RABGAP1L: variants seen among roughly 807,000 people sequenced by gnomAD.
RABGAP1L encodes the protein rab GTPase-activating protein 1-like.
Under a neutral mutation model 137.7 loss-of-function variants are expected in RABGAP1L, and 63 were observed. The observed-to-expected ratio is 0.46, with a 90% CI of 0.37 to 0.56. The LOEUF (loss-of-function observed/expected upper bound fraction) is 0.56, where lower values mean the gene tolerates loss of function less well. Ranked by LOEUF, RABGAP1L falls within the 20% of genes least tolerant of loss-of-function variation. The pLI, the probability that RABGAP1L is intolerant of heterozygous loss-of-function variation, is 0.00. For missense variants in RABGAP1L, 1,095 were observed against 1,244.0 expected (o/e 0.88, Z 1.80); for synonymous variants, 431 against 433.7 (o/e 0.99, Z 0.08).
chr1:174,774,172 A>C (rs1038994553), intron 18 of RABGAP1L, among the ~76,000 whole-genome samples: 9 of 152,192 alleles, frequency 5.9e-5, no homozygotes, highest in Non-Finnish European at 1.2e-4. Context: ...AATAACTAAA[A>C]CGCCCATAGC....
At chr1:174,460,509 A>G in intron 13 of RABGAP1L, among the ~76,000 whole-genome samples, 1 of 152,192 alleles carries the variant, frequency 6.6e-6, no homozygotes, top group East Asian at 1.9e-4. Context: ...CATATTGTTT[A>G]TGAACATTTT....
chr1:174,312,223 G>C lies in RABGAP1L; in HGVS notation c.1465+7096G>C, dbSNP rs527391939. Among the ~76,000 whole-genome samples, 32 of 152,206 alleles carry C rather than the reference G, an allele frequency of 2.1e-4. No individual in the cohort carries two copies. The South Asian group carries it at 5.4e-3, about 26-fold the overall frequency. ...TACATTTCCACCAACAGTGTACAAGGGTTCTTTTATCTCTACATCACTAGC... is the reference window on the plus strand; with the variant it reads ...TACATTTCCACCAACAGTGTACAAGCGTTCTTTTATCTCTACATCACTAGC... On this transcript the variant is annotated intron_variant, in intron 11 of 25. Transcript: ENST00000681986.
intron 12 of RABGAP1L, among the ~76,000 whole-genome samples, chr1:174,384,040 A>G (rs1053311463): frequency 4.6e-5 from 7 of 152,236 alleles, no homozygotes; most frequent in East Asian, 1.9e-4. Flanking sequence ...ATGTCCGTCA[A>G]AAGTAAATGG....
chr1:174,320,238 A>T (rs1415993876), intron 11 of RABGAP1L, among the ~76,000 whole-genome samples: 1 of 152,170 alleles, frequency 6.6e-6, no homozygotes, highest in Admixed American at 6.5e-5. Context: ...TGCCCTTTAT[A>T]ACTCATCGTT....
chr1:174,958,092 A>C, intron 20 of RABGAP1L: 3 of 1,516,728 alleles, frequency 2.0e-6, no homozygotes, highest in Non-Finnish European at 2.6e-6. Flanking sequence ...AGACTGACAC[A>C]AGGATGTTTC....
intron 19 of RABGAP1L, among the ~76,000 whole-genome samples, chr1:174,926,943 C>T (rs969975685): frequency 6.6e-6 from 1 of 151,930 alleles, no homozygotes; most frequent in African/African-American, 2.4e-5. Context: ...CGTGGTGGCA[C>T]ACACCTGTAA....
At chr1:174,727,510 A>G (rs898437553) in intron 17 of RABGAP1L, among the ~76,000 whole-genome samples, 1 of 152,208 alleles carries the variant, frequency 6.6e-6, no homozygotes, top group Admixed American at 6.5e-5. Context: ...AAAACAACAA[A>G]CAGAAAAACA....
At chr1:174,919,910 GT>G (rs1254343329) in intron 19 of RABGAP1L, among the ~76,000 whole-genome samples, 3 of 152,144 alleles carry the variant, frequency 2.0e-5, no homozygotes, top group African/African-American at 7.2e-5. Context: ...TAAGTATTAG[GT>G]AAGTAGAGTT....
chr1:174,368,833 T>A (rs78735014), intron 11 of RABGAP1L, among the ~76,000 whole-genome samples: 11,125 of 152,256 alleles, frequency 0.073, 609 homozygotes, highest in East Asian at 0.32. Context: ...TAGGAATTCC[T>A]TTCCCTACAA....
intron 13 of RABGAP1L, among the ~76,000 whole-genome samples, chr1:174,578,685 T>G (rs1029325658): frequency 2.0e-5 from 3 of 152,186 alleles, no homozygotes; most frequent in Non-Finnish European, 4.4e-5. Context: ...CTAGAAAAGA[T>G]AGTTTATGTA....
At chr1:174,882,830 C>CT (rs201814726) in intron 19 of RABGAP1L, among the ~76,000 whole-genome samples, 137 of 146,246 alleles carry the variant, frequency 9.4e-4, no homozygotes, top group East Asian at 4.0e-3. Flanking sequence ...AACATAAGAG[C>CT]TTTTTTTTTT....
At chr1:174,446,910 AT>A (rs1164427891) in intron 13 of RABGAP1L, among the ~76,000 whole-genome samples, 4 of 152,170 alleles carry the variant, frequency 2.6e-5, no homozygotes, top group Non-Finnish European at 5.9e-5. Context: ...GTAATAAATA[AT>A]GGCAGCATTT....
At position 174,678,819 on chromosome 1, in the gene RABGAP1L, C is replaced by T. The variant is rs141267725; in HGVS notation, c.1825-4703C>T. 2.5e-4 allele frequency among the ~76,000 whole-genome samples: 38 copies of T among 152,284 alleles called. No homozygotes were observed. In the East Asian group the frequency reaches 6.8e-3, roughly 27 times the overall value. On this transcript the variant is annotated intron_variant, in intron 14 of 25. Transcript: ENST00000681986. Reference sequence around the variant, plus strand: ...CACTTAGCCTGCACAGGAACAATGGCGAGCCTCTAGCCCAATTGGGAGCGG... The same window carrying T: ...CACTTAGCCTGCACAGGAACAATGGTGAGCCTCTAGCCCAATTGGGAGCGG...
At chr1:174,740,787 T>C (rs1212143134) in intron 17 of RABGAP1L, among the ~76,000 whole-genome samples, 1 of 152,140 alleles carries the variant, frequency 6.6e-6, no homozygotes. Context: ...GCTATCTCAT[T>C]GTGGTTTTGA....
chr1:174,798,037 A>G (rs1216875795), intron 18 of RABGAP1L, among the ~76,000 whole-genome samples: 2 of 151,634 alleles, frequency 1.3e-5, no homozygotes, highest in Non-Finnish European at 2.9e-5. Context: ...AGAGCCTGGA[A>G]CTCCTGAGCT....
At chr1:174,606,946 G>A (rs1670837434) in intron 13 of RABGAP1L, among the ~76,000 whole-genome samples, 1 of 152,112 alleles carries the variant, frequency 6.6e-6, no homozygotes, top group Non-Finnish European at 1.5e-5. Flanking sequence ...ATTAAAACCT[G>A]TTTAATCAAG....
At chr1:174,642,034 C>G (rs139846636) in intron 14 of RABGAP1L, among the ~76,000 whole-genome samples, 1 of 152,124 alleles carries the variant, frequency 6.6e-6, no homozygotes, top group African/African-American at 2.4e-5. Context: ...TTTATAAGAC[C>G]TAAGACCAGT....
intron 19 of RABGAP1L, among the ~76,000 whole-genome samples, chr1:174,853,218 A>C (rs1212392858): frequency 1.5e-5 from 2 of 137,616 alleles, no homozygotes; most frequent in African/African-American, 6.3e-5. Context: ...GAAAGAAAGG[A>C]GGCTGGGTTG....
chr1:174,962,262 G>T (rs1451786270), intron 20 of RABGAP1L, among the ~76,000 whole-genome samples: 1 of 134,564 alleles, frequency 7.4e-6, no homozygotes, highest in Admixed American at 8.8e-5. Flanking sequence ...GCATAATAAA[G>T]GTTACCTGTT....
Sources: gnomAD v4.1 joint callset for allele counts (sites outside exome capture counted in the v4.1 genomes callset) on GRCh38, gnomAD v4.1.1 for gene constraint, MANE v1.5 for transcripts, NCBI Gene and HGNC (gene_info 2026-07-23, HGNC 2026-07-21) for gene names.